PARD3B: variants seen among roughly 807,000 people sequenced by gnomAD.
The protein encoded by PARD3B is par-3 family cell polarity regulator beta.
PARD3B carries 103 observed loss-of-function variants against 130.2 expected under a neutral mutation model. The observed-to-expected ratio is 0.79, with a 90% CI of 0.67 to 0.93. The LOEUF (loss-of-function observed/expected upper bound fraction) is 0.93. PARD3B is among the 40% of genes least tolerant of loss of function. The pLI is 0.00. For missense variants in PARD3B, 1,609 were observed against 1,499.2 expected, an observed-to-expected ratio of 1.07 and a Z score of -1.21; for synonymous variants, 583 against 553.2, an observed-to-expected ratio of 1.05 and a Z score of -0.76.
intron 18 of PARD3B, among the ~76,000 whole-genome samples, chr2:205,313,077 G>C (rs1444186832): frequency 6.6e-6 from 1 of 152,188 alleles, no homozygotes; most frequent in African/African-American, 2.4e-5. Flanking sequence ...AAAAAAATGA[G>C]AGAGAGTGCT....
chr2:204,969,819 G>C (rs571955241), intron 3 of PARD3B, among the ~76,000 whole-genome samples: 1 of 152,274 alleles, frequency 6.6e-6, no homozygotes, highest in South Asian at 2.1e-4. Flanking sequence ...AAAAGCTACT[G>C]AGAGAACAAG....
rs1689979900 is a variant in PARD3B at position 204,953,455 on chromosome 2, AGAGAGAG to A, written c.223-11696_223-11690del. The stretch of plus-strand genomic sequence containing the variant: ...GAGAGAGAGAGAGAGAGAGAGAGAG[AGAGAGAG>A]AGAGAAGGCTGGAGGGAAAGCACCA... On this transcript the variant is annotated intron_variant, in intron 2 of 22. Coordinates refer to ENST00000406610, the MANE Select transcript of PARD3B (RefSeq NM_001302769.2). Among the ~76,000 whole-genome samples, 3 of 145,872 alleles carry A rather than the reference AGAGAGAG, an allele frequency of 2.1e-5. No individual in the cohort carries two copies. In the South Asian group the frequency reaches 6.5e-4, roughly 31 times the overall value.
chr2:205,416,690 C>T (rs190485086), intron 19 of PARD3B, among the ~76,000 whole-genome samples: 6 of 151,980 alleles, frequency 3.9e-5, no homozygotes, highest in African/African-American at 1.4e-4. Flanking sequence ...AAACTATGCC[C>T]CTTTATGGAA....
In PARD3B at chr2:205,530,799, G is replaced by C. The variant is rs1473210789; in HGVS notation, c.3181-22525G>C. Reference sequence around the variant, plus strand: ...GGCCACACAGATACTCATGCTGGACGATTCAAGAAGATGAAATGGGGAAGA... The same window carrying C: ...GGCCACACAGATACTCATGCTGGACCATTCAAGAAGATGAAATGGGGAAGA... On this transcript the variant is annotated intron_variant, in intron 21 of 22. Coordinates refer to ENST00000406610, the MANE Select transcript of PARD3B (RefSeq NM_001302769.2). The surrounding 1 kb of genome is among the most constrained non-coding windows in gnomAD (Gnocchi z 4.7). Among the ~76,000 whole-genome samples, 1 of 152,156 alleles carries C rather than the reference G, an allele frequency of 6.6e-6. No homozygotes were observed. Among genetic ancestry groups the C allele is most frequent in the African/African-American group, 2.4e-5 (1 of 41,444 alleles).
intron 6 of PARD3B, among the ~76,000 whole-genome samples, chr2:205,114,084 T>C (rs1703848873): frequency 6.6e-6 from 1 of 152,178 alleles, no homozygotes; most frequent in Non-Finnish European, 1.5e-5. Context: ...TCATGCTGTA[T>C]TTTCCTAAAA....
chr2:204,727,687 A>AGCAGGGG (rs2039297472), intron 2 of PARD3B, among the ~76,000 whole-genome samples: 2 of 152,210 alleles, frequency 1.3e-5, no homozygotes, highest in Non-Finnish European at 1.5e-5. Flanking sequence ...GAATACACGT[A>AGCAGGGG]TTTAATAAGC....
At chr2:204,941,361 G>A (rs1031825425) in intron 2 of PARD3B, among the ~76,000 whole-genome samples, 6 of 152,120 alleles carry the variant, frequency 3.9e-5, no homozygotes, top group Non-Finnish European at 7.3e-5. Flanking sequence ...GCGACAGAGC[G>A]AGACTCTGTC....
chr2:204,713,171 C>G (rs1263747034), intron 2 of PARD3B, among the ~76,000 whole-genome samples: 1 of 151,922 alleles, frequency 6.6e-6, no homozygotes, highest in African/African-American at 2.4e-5. Context: ...TTGCCCCTTG[C>G]AACACATGGG....
At chr2:204,905,612 TC>T (rs1439828539) in intron 2 of PARD3B, among the ~76,000 whole-genome samples, 2 of 152,054 alleles carry the variant, frequency 1.3e-5, no homozygotes, top group African/African-American at 2.4e-5. Context: ...CTTGAGTTTT[TC>T]CCTCTGGAAT....
chr2:205,018,246 C>T (rs1264355833), intron 3 of PARD3B, among the ~76,000 whole-genome samples: 2 of 152,080 alleles, frequency 1.3e-5, no homozygotes, highest in Admixed American at 6.6e-5. Context: ...ACTTTAATGC[C>T]TTTAAGGCAT....
At chr2:204,588,413 C>T (rs888632638) in intron 1 of PARD3B, among the ~76,000 whole-genome samples, 3 of 152,210 alleles carry the variant, frequency 2.0e-5, no homozygotes, top group Admixed American at 2.0e-4. Context: ...AAGAGCTCAT[C>T]TTTGGGAAGG....
At chr2:204,787,424 T>C (rs1416884738) in intron 2 of PARD3B, among the ~76,000 whole-genome samples, 1 of 152,088 alleles carries the variant, frequency 6.6e-6, no homozygotes, top group Non-Finnish European at 1.5e-5. Flanking sequence ...TGAGAAATTA[T>C]GTTGTGAAAT....
intron 15 of PARD3B, among the ~76,000 whole-genome samples, chr2:205,197,070 TGTGTGA>T (rs2036735972): frequency 4.7e-5 from 7 of 150,370 alleles, no homozygotes; most frequent in Non-Finnish European, 3.0e-5. Flanking sequence ...TGTGTGTGTG[TGTGTGA>T]GAGAGAGAGA....
At chr2:205,518,312 C>T (rs1274389604) in intron 21 of PARD3B, among the ~76,000 whole-genome samples, 1 of 152,068 alleles carries the variant, frequency 6.6e-6, no homozygotes, top group Non-Finnish European at 1.5e-5. Flanking sequence ...TTGAATTGAA[C>T]CCTTTACCAT....
At chr2:205,072,974 C>A (rs1004515510) in intron 4 of PARD3B, among the ~76,000 whole-genome samples, 2 of 152,050 alleles carry the variant, frequency 1.3e-5, no homozygotes, top group Non-Finnish European at 2.9e-5. Context: ...AATTAAATTT[C>A]AGAGGGATTA....
chr2:205,032,833 G>C (rs1697521913), intron 3 of PARD3B, among the ~76,000 whole-genome samples: 1 of 152,126 alleles, frequency 6.6e-6, no homozygotes, highest in Admixed American at 6.6e-5. Context: ...TCCAATAAAA[G>C]GTAATGATCA....
intron 20 of PARD3B, among the ~76,000 whole-genome samples, chr2:205,464,612 A>T (rs925487045): frequency 6.6e-6 from 1 of 152,246 alleles, no homozygotes; most frequent in Non-Finnish European, 1.5e-5. Context: ...ATTAGCATTT[A>T]TGGAAAGGCT....
intron 18 of PARD3B, among the ~76,000 whole-genome samples, chr2:205,358,020 G>A (rs1340952287): frequency 6.6e-6 from 1 of 152,130 alleles, no homozygotes; most frequent in African/African-American, 2.4e-5. Flanking sequence ...ACCTCATATG[G>A]TGAATCTTTC....
chr2:205,531,133 A>G (rs548117236), intron 21 of PARD3B, among the ~76,000 whole-genome samples: 111 of 152,302 alleles, frequency 7.3e-4, no homozygotes, highest in African/African-American at 2.6e-3. Context: ...CAACGTATGG[A>G]AGGGACTCAG....
Sources: gnomAD v4.1 joint callset for allele counts (sites outside exome capture counted in the v4.1 genomes callset) on GRCh38, gnomAD v4.1.1 for gene constraint, Gnocchi (gnomAD v3.1) non-coding constraint, MANE v1.5 for transcripts, NCBI Gene and HGNC (gene_info 2026-07-23, HGNC 2026-07-21) for gene names.